Variants in HTT observed in about 807,000 individuals in gnomAD.
The protein encoded by HTT is huntington disease protein.
In HTT, 104 loss-of-function variants were observed where a neutral mutation model predicts 362.3. The ratio of observed to expected loss-of-function variants is 0.29; its 90% CI spans 0.24 to 0.34. The LOEUF (loss-of-function observed/expected upper bound fraction) is 0.34, where lower values mean the gene tolerates loss of function less well. HTT is among the 10% of genes least tolerant of loss of function. HTT has a pLI of 1.00. For missense variants in HTT, 3,301 were observed against 3,928.6 expected (o/e 0.84, Z 4.27); for synonymous variants, 1,577 against 1,548.7 (o/e 1.02, Z -0.43).
chr4:3,085,836 C>T (rs1713178105), intron 1 of HTT, among the ~76,000 whole-genome samples: 1 of 152,206 alleles, frequency 6.6e-6, no homozygotes, highest in East Asian at 1.9e-4. Context: ...ATAGTGCCAA[C>T]TGTGAAGACA....
At chr4:3,237,924 C>T (rs1035383038) in intron 64 of HTT, among the ~76,000 whole-genome samples, 3 of 152,134 alleles carry the variant, frequency 2.0e-5, no homozygotes, top group African/African-American at 7.2e-5. Flanking sequence ...AACAGTGCCA[C>T]GAAGCGTTAG....
At chr4:3,230,639 TG>T (rs1169131476) in intron 60 of HTT, among the ~76,000 whole-genome samples, 1 of 152,170 alleles carries the variant, frequency 6.6e-6, no homozygotes, top group African/African-American at 2.4e-5. Context: ...CTCACCGTTC[TG>T]GGGGCTGGAA....
In HTT at chr4:3,119,246, A is replaced by G. The variant is rs563382166; in HGVS notation, c.1069-1982A>G. On this transcript the variant is annotated intron_variant, in intron 8 of 66. Transcript: ENST00000355072. ...GGGCAGAGGGAAGGCATATGCATAT[A>G]TTATCAACAAGGAGGGAGAAAAAGG... Among the ~76,000 whole-genome samples, 91 of 152,326 alleles carry G rather than the reference A, an allele frequency of 6.0e-4. 2 individuals are homozygous for G. The highest frequency in any genetic ancestry group is 2.1e-3 in the African/African-American group (89 of 41,574).
Position 3,239,689 on chromosome 4 carries a change from C to T in HTT, c.9216-157C>T, listed in dbSNP as rs1030376017. Among the ~76,000 whole-genome samples the T allele has an allele frequency of 3.9e-5, 6 of 152,340 alleles. No individual in the cohort carries two copies. In the East Asian group the frequency reaches 1.2e-3, roughly 29 times the overall value. On this transcript the variant is annotated intron_variant, in intron 66 of 66. Coordinates refer to ENST00000355072, the MANE Select transcript of HTT (RefSeq NM_001388492.1). The stretch of plus-strand genomic sequence containing the variant: ...AGGAATGGAGGTGGAGGCGCTGATG[C>T]AGCTGGAGGCATCCAGGTGGCCCTT...
At position 3,115,338 on chromosome 4, in the gene HTT, C is replaced by T; in HGVS notation, c.782C>T (p.Ser261Leu). Residue 261 changes from serine (S) to leucine (L), a missense_variant, in exon 7 of 67, where the codon TCA becomes TTA. Transcript: ENST00000355072. ...AAGGCCTTCATAGCGAACCTGAAGT[C>T]AAGCTCCCCCACCATTCGGCGGACA... ...LLKAFIANLK[S>L]SSPTIRRTAA... 6.2e-7 allele frequency: 1 copy of T among 1,614,148 alleles called. No homozygotes were observed. Among genetic ancestry groups the T allele is most frequent in the Non-Finnish European group, 8.5e-7 (1 of 1,180,014 alleles).
rs749852277 is a variant in HTT, at chr4:3,160,385, T to C, written c.3857T>C (p.Ile1286Thr). 1.9e-6 allele frequency: 3 copies of C among 1,545,380 alleles called. No homozygotes were observed. The highest frequency in any genetic ancestry group is 2.6e-6 in the Non-Finnish European group (3 of 1,140,094). ...CTAGAGCTGGCCACACTGCAGGACA[T>C]TGGGAAGGTTTGTGTCTTGTTTTTT... is the stretch of plus-strand genomic sequence containing the variant. ...QILELATLQD[I>T]GKCVEEILGY... The change falls in exon 29 of 67, where the codon ATT becomes ACT. Residue 1286 changes from isoleucine (I) to threonine (T), a missense_variant. Transcript: ENST00000355072.
Position 3,218,057 on chromosome 4 carries a change from A to C in HTT, c.7242+105A>C. On this transcript the variant is annotated intron_variant, in intron 52 of 66. Coordinates refer to ENST00000355072, the MANE Select transcript of HTT (RefSeq NM_001388492.1). The surrounding 1 kb of genome is among the most constrained non-coding windows in gnomAD (Gnocchi z 4.4). ...GCGGGACAGAATCCCCGCAGCCCAG[A>C]GGCTGCCTGCTGTGGTTCTGGTGCC... 3 of 989,612 alleles carry C rather than the reference A, an allele frequency of 3.0e-6. No homozygotes were observed. The highest frequency in any genetic ancestry group is 1.6e-5 in the African/African-American group (1 of 61,808). 61.3% of individuals were successfully genotyped at this position (989,612 alleles called of 1,614,324 possible).
intron 38 of HTT, among the ~76,000 whole-genome samples, chr4:3,187,345 CG>C (rs941043404): frequency 6.7e-6 from 1 of 149,200 alleles, no homozygotes; most frequent in Non-Finnish European, 1.5e-5. Flanking sequence ...TTAGTAGAGA[CG>C]GGGTTTCACT....
At chr4:3,183,987 A>G (rs1315910355) in intron 37 of HTT, among the ~76,000 whole-genome samples, 1 of 152,124 alleles carries the variant, frequency 6.6e-6, no homozygotes, top group Non-Finnish European at 1.5e-5. Context: ...TGGAGTGAAG[A>G]TTTTGTTGGG....
intron 3 of HTT, 81 bp downstream of exon 3, chr4:3,099,475 C>G (rs1358961478): frequency 3.2e-6 from 5 of 1,585,452 alleles, no homozygotes; most frequent in Non-Finnish European, 4.3e-6. Flanking sequence ...GAGTGTTCTT[C>G]TGTTTTGAGT....
chr4:3,149,376 C>T (rs1462326733), intron 26 of HTT, among the ~76,000 whole-genome samples: 1 of 148,982 alleles, frequency 6.7e-6, no homozygotes, highest in Non-Finnish European at 1.5e-5. Flanking sequence ...CAGCTCACTG[C>T]AACTTCTGCC....
At chr4:3,135,597 G>A (rs1716024977) in intron 19 of HTT, among the ~76,000 whole-genome samples, 1 of 152,100 alleles carries the variant, frequency 6.6e-6, no homozygotes, top group East Asian at 1.9e-4. Flanking sequence ...AGCAGGTTAT[G>A]GAGGGCCCAG....
chr4:3,077,036 G>T (rs1052206042), intron 1 of HTT, among the ~76,000 whole-genome samples: 5 of 151,936 alleles, frequency 3.3e-5, no homozygotes, highest in Non-Finnish European at 7.4e-5. Context: ...AAATTAGCTG[G>T]TCATGGTGGC....
intron 4 of HTT, 83 bp from the exon 5 acceptor site, chr4:3,105,274 G>C (rs948243262): frequency 3.3e-6 from 3 of 916,110 alleles, no homozygotes; most frequent in Non-Finnish European, 5.3e-6. Context: ...AAAGTAACAA[G>C]GAAAGAAAAT....
intron 1 of HTT, among the ~76,000 whole-genome samples, chr4:3,081,273 G>GT: frequency 6.6e-6 from 1 of 152,186 alleles, no homozygotes; most frequent in Non-Finnish European, 1.5e-5. Flanking sequence ...TGTGGGCACA[G>GT]TGTCTCTGTC....
chr4:3,093,782 C>T (rs910868588), intron 2 of HTT, among the ~76,000 whole-genome samples: 7 of 149,988 alleles, frequency 4.7e-5, no homozygotes, highest in Non-Finnish European at 7.4e-5. Flanking sequence ...AGGAATGCAG[C>T]AGCCACCAAA....
Position 3,206,555 on chromosome 4 carries a change from T to A in HTT, c.5778T>A (p.Asp1926Glu), listed in dbSNP as rs757855800. 5.6e-6 allele frequency: 9 copies of A among 1,614,126 alleles called. No homozygotes were observed. The South Asian group carries it at 9.9e-5, about 18-fold the overall frequency. The change falls in exon 43 of 67, where the codon GAT becomes GAA. Residue 1926 changes from aspartate to glutamate, a missense_variant. By Grantham distance (45) the Asp-to-Glu change is conservative (BLOSUM62 2). Coordinates refer to ENST00000355072, the MANE Select transcript of HTT (RefSeq NM_001388492.1). This position sits in a 1 kb window ranked among gnomAD's most constrained non-coding sequence, Gnocchi z 4.6. Reference protein sequence around the residue: ...LTWLIVNHIQDLISLSHEPPV... With the variant: ...LTWLIVNHIQELISLSHEPPV... ...GGCTCATTGTAAATCACATTCAAGA[T>A]CTGATCAGCCTTTCCCACGAGCCTC...
intron 40 of HTT, among the ~76,000 whole-genome samples, chr4:3,190,664 C>T (rs112115256): frequency 0.015 from 2,273 of 152,248 alleles, 51 homozygotes; most frequent in African/African-American, 0.052. Context: ...CCACTGCACT[C>T]CAGCCTGGGC....
At chr4:3,131,578 G>C (rs1322587376) in intron 15 of HTT, 60 bp from the exon 16 acceptor site, 4 of 1,600,178 alleles carry the variant, frequency 2.5e-6, no homozygotes, top group South Asian at 2.2e-5. Context: ...GTCTGGTTTT[G>C]TTCATTTGAA....
Sources: gnomAD v4.1 joint callset for allele counts (sites outside exome capture counted in the v4.1 genomes callset) on GRCh38, gnomAD v4.1.1 for gene constraint, Gnocchi (gnomAD v3.1) non-coding constraint, MANE v1.5 for transcripts, NCBI Gene and HGNC (gene_info 2026-07-23, HGNC 2026-07-21) for gene names.